The following MAP3K7CL variants were observed in gnomAD, a reference collection of about 807,000 sequenced individuals.
MAP3K7CL encodes the protein MAP3K7 C-terminal-like protein.
A neutral mutation model predicts 18.6 loss-of-function variants in MAP3K7CL; 16 were observed. The ratio of observed to expected loss-of-function variants is 0.86; its 90% CI spans 0.58 to 1.31. The LOEUF (loss-of-function observed/expected upper bound fraction) is 1.31. Among genes scored for constraint, MAP3K7CL ranks in the 50% most tolerant of loss-of-function variants. The pLI is 0.00. For synonymous variants in MAP3K7CL, 65 were observed against 66.8 expected, an observed-to-expected ratio of 0.97 and a Z score of 0.13; for missense variants, 163 against 174.4, an observed-to-expected ratio of 0.93 and a Z score of 0.37.
intron 3 of MAP3K7CL, among the ~76,000 whole-genome samples, chr21:29,153,739 A>C (rs866395352): frequency 3.9e-5 from 6 of 152,110 alleles, no homozygotes; most frequent in African/African-American, 1.4e-4. Context: ...GTGAACCACC[A>C]CACCCAGCCA....
chr21:29,087,420 A>G (rs1196969434), intron 1 of MAP3K7CL, among the ~76,000 whole-genome samples: 1 of 152,092 alleles, frequency 6.6e-6, no homozygotes, highest in African/African-American at 2.4e-5. Context: ...TTATGTTCCC[A>G]GTTCTCAGAA....
At chr21:29,105,125 G>A (rs1244349336) in intron 4 of MAP3K7CL, among the ~76,000 whole-genome samples, 2 of 152,184 alleles carry the variant, frequency 1.3e-5, no homozygotes, top group Admixed American at 1.3e-4. Context: ...CTGAGTTAGT[G>A]GTGGGATCTA....
At chr21:29,101,463 G>A (rs2086228456) in intron 4 of MAP3K7CL, among the ~76,000 whole-genome samples, 1 of 152,166 alleles carries the variant, frequency 6.6e-6, no homozygotes, top group Non-Finnish European at 1.5e-5. Flanking sequence ...AGGCTGGTGT[G>A]CAGTGGCGCC....
chr21:29,083,189 C>G (rs994585674), upstream of MAP3K7CL, among the ~76,000 whole-genome samples: 4 of 152,106 alleles, frequency 2.6e-5, no homozygotes, highest in African/African-American at 9.7e-5. Context: ...CAGAAATCTG[C>G]CCCCTGGACT....
intron 4 of MAP3K7CL, among the ~76,000 whole-genome samples, chr21:29,118,634 C>T (rs193068096): frequency 5.3e-5 from 8 of 152,302 alleles, no homozygotes; most frequent in Middle Eastern, 3.4e-3. Flanking sequence ...GGGCCTTGAT[C>T]TGTGAAGGCA....
chr21:29,106,185 C>T lies in MAP3K7CL; in HGVS notation c.370+13604C>T, dbSNP rs77875190. On this transcript the variant is annotated intron_variant, in intron 4 of 6. Coordinates refer to the MAP3K7CL transcript ENST00000286791. ...GACTCCTTTGAAAGTACTAAGAAAA[C>T]GGCACTTTTTTTTTGTTTTGAGATG... is the stretch of plus-strand genomic sequence containing the variant. Among the ~76,000 whole-genome samples the T allele has an allele frequency of 8.8e-4, 134 of 152,102 alleles. 1 individual carries two copies. The East Asian group carries it at 0.019, about 22-fold the overall frequency.
At chr21:29,089,680 C>T (rs1405086690) in intron 1 of MAP3K7CL, among the ~76,000 whole-genome samples, 2 of 152,146 alleles carry the variant, frequency 1.3e-5, no homozygotes, top group Non-Finnish European at 2.9e-5. Flanking sequence ...GGAAACTGTA[C>T]TGAAATAAAC....
At chr21:29,153,865 G>A (rs199977589) in intron 3 of MAP3K7CL, among the ~76,000 whole-genome samples, 1 of 152,178 alleles carries the variant, frequency 6.6e-6, no homozygotes, top group East Asian at 1.9e-4. Context: ...CTGTCTTACT[G>A]CTTAAGCATG....
chr21:29,104,756 G>A (rs2086291579), intron 4 of MAP3K7CL, among the ~76,000 whole-genome samples: 2 of 152,206 alleles, frequency 1.3e-5, no homozygotes, highest in African/African-American at 4.8e-5. Flanking sequence ...AAGTGCGCTT[G>A]CTATGAACCA....
chr21:29,117,693 G>T (rs1156897467), intron 4 of MAP3K7CL, among the ~76,000 whole-genome samples: 1 of 152,232 alleles, frequency 6.6e-6, no homozygotes, highest in East Asian at 1.9e-4. Flanking sequence ...TTTAGGATGT[G>T]ATGGCTTAAT....
intron 4 of MAP3K7CL, among the ~76,000 whole-genome samples, chr21:29,103,510 C>T (rs984874814): frequency 1.3e-5 from 2 of 152,288 alleles, no homozygotes; most frequent in South Asian, 4.1e-4. Flanking sequence ...GAGGGCAGAT[C>T]ACTTGAGGTC....
At chr21:29,107,648 G>T (rs886788846) in intron 4 of MAP3K7CL, among the ~76,000 whole-genome samples, 2 of 152,138 alleles carry the variant, frequency 1.3e-5, no homozygotes, top group Non-Finnish European at 2.9e-5. Flanking sequence ...TTGAGCTGCA[G>T]CAGCCATGTT....
chr21:29,100,472 A>G (rs960814963), intron 4 of MAP3K7CL, among the ~76,000 whole-genome samples: 2 of 152,192 alleles, frequency 1.3e-5, no homozygotes, highest in Non-Finnish European at 2.9e-5. Context: ...TGGATTTCAG[A>G]GCCACACTGG....
chr21:29,123,359 C>T (rs1011512363), intron 4 of MAP3K7CL, among the ~76,000 whole-genome samples: 2 of 152,036 alleles, frequency 1.3e-5, no homozygotes, highest in African/African-American at 2.4e-5. Context: ...CCACTGTACC[C>T]GGCTGATCTT....
At chr21:29,080,817 T>A (rs1269291412) in intron 1 of MAP3K7CL, 4 of 151,738 alleles carry the variant, frequency 2.6e-5, no homozygotes, top group Non-Finnish European at 5.9e-5. Flanking sequence ...ATTAAAGCCC[T>A]TCTGCTTGAG....
At chr21:29,098,030 T>A (rs984656613) in intron 4 of MAP3K7CL, among the ~76,000 whole-genome samples, 22 of 152,108 alleles carry the variant, frequency 1.4e-4, no homozygotes, top group African/African-American at 5.3e-4. Flanking sequence ...TAATTATAAT[T>A]AAATAAAATA....
chr21:29,125,635 G>A (rs1051183834), intron 4 of MAP3K7CL, among the ~76,000 whole-genome samples: 1 of 152,206 alleles, frequency 6.6e-6, no homozygotes, highest in African/African-American at 2.4e-5. Context: ...AGTTCCTGGG[G>A]GAGGTGGTGT....
chr21:29,175,061 G>T lies in MAP3K7CL; in HGVS notation c.*169G>T. ...TGCCAGCTTCTAGCTTGAGAGAAGG[G>T]ATATTTTAAATGAGATCATTAACGT... On this transcript the variant is annotated 3_prime_UTR_variant, in exon 5 of 5. Transcript: ENST00000399928. 1.8e-6 allele frequency: 1 copy of T among 558,720 alleles called. No individual in the cohort carries two copies. Among genetic ancestry groups the T allele is most frequent in the East Asian group, 3.1e-5 (1 of 32,010 alleles). The allele number at this position is 558,720 out of a possible 1,614,324, so 34.6% of individuals were successfully genotyped here.
chr21:29,109,175 G>A (rs182404754), intron 4 of MAP3K7CL: 34 of 1,535,332 alleles, frequency 2.2e-5, no homozygotes, highest in South Asian at 1.1e-4. Context: ...CCACCAGTGC[G>A]GACTGCAGGT....
Sources: gnomAD v4.1 joint callset for allele counts (sites outside exome capture counted in the v4.1 genomes callset) on GRCh38, gnomAD v4.1.1 for gene constraint, MANE v1.5 for transcripts, NCBI Gene and HGNC (gene_info 2026-07-23, HGNC 2026-07-21) for gene names.